CRISPLD2: variants seen among roughly 807,000 people sequenced by gnomAD.
The protein encoded by CRISPLD2 is cysteine-rich secretory protein LCCL domain-containing 2.
CRISPLD2 carries 47 observed loss-of-function variants against 71.1 expected under a neutral mutation model. The observed-to-expected ratio is 0.66, with a 90% CI of 0.52 to 0.84. The LOEUF is 0.84. CRISPLD2 is among the 40% of genes least tolerant of loss of function. The pLI is 0.00. For synonymous variants in CRISPLD2, 317 were observed against 250.1 expected (o/e 1.27, Z -2.52); for missense variants, 830 against 651.1 (o/e 1.27, Z -2.99).
chr16:84,872,987 G>T lies in CRISPLD2; in HGVS notation c.982-5G>T, dbSNP rs200084653. On this transcript the variant is annotated splice_region_variant and splice_polypyrimidine_tract_variant and intron_variant, in intron 9 of 14. Coordinates refer to ENST00000262424, the MANE Select transcript of CRISPLD2 (RefSeq NM_031476.4). ...GCCTCTGGTCTTCTCTTCCCTTCCC[G>T]CCAGTCGTCTAGCATATGCCGCGCC... 1.2e-6 allele frequency: 2 copies of T among 1,604,096 alleles called. No individual in the cohort carries two copies. The highest frequency in any genetic ancestry group is 1.8e-4 in the Middle Eastern group (1 of 5,704).
In CRISPLD2 at chr16:84,886,990, C is replaced by G. The variant is rs74031011; in HGVS notation, c.1306-2240C>G. ...AACTTCCCGCTTCCCCTCCGCCAGC[C>G]CCTGTACTTCCTGTCTCCAGGAATT... On this transcript the variant is annotated intron_variant, in intron 13 of 14. Coordinates refer to ENST00000262424, the MANE Select transcript of CRISPLD2 (RefSeq NM_031476.4). Among the ~76,000 whole-genome samples, 1,020 of 152,328 alleles carry G rather than the reference C, an allele frequency of 6.7e-3. 8 individuals carry two copies. Among genetic ancestry groups the G allele is most frequent in the African/African-American group, 0.024 (980 of 41,568 alleles).
chr16:84,880,863 C>T (rs574514676), intron 13 of CRISPLD2: 3 of 219,218 alleles, frequency 1.4e-5, no homozygotes, highest in South Asian at 1.4e-4. Context: ...CACCACCATG[C>T]CTGGCTAATT....
At chr16:84,887,118 G>A (rs2071620185) in intron 13 of CRISPLD2, among the ~76,000 whole-genome samples, 1 of 152,158 alleles carries the variant, frequency 6.6e-6, no homozygotes, top group Non-Finnish European at 1.5e-5. Flanking sequence ...GTGAACCAGT[G>A]GCTGGGACTT....
chr16:84,850,366 G>A (rs1433626288), intron 4 of CRISPLD2, among the ~76,000 whole-genome samples: 1 of 152,190 alleles, frequency 6.6e-6, no homozygotes, highest in Non-Finnish European at 1.5e-5. Context: ...TGAGATGACA[G>A]GCGTGAGCCA....
chr16:84,822,396 G>T (rs1048117018), intron 1 of CRISPLD2, among the ~76,000 whole-genome samples: 1 of 152,160 alleles, frequency 6.6e-6, no homozygotes, highest in African/African-American at 2.4e-5. Context: ...ACCCTCTGAC[G>T]TCTTTGGAGG....
At chr16:84,846,192 T>G in intron 3 of CRISPLD2, 1 of 257,724 alleles carries the variant, frequency 3.9e-6, no homozygotes, top group Admixed American at 5.3e-5. Context: ...CTTTCCTTCC[T>G]TCCTTCCTCC....
chr16:84,852,665 G>T (rs571457640), intron 5 of CRISPLD2, among the ~76,000 whole-genome samples: 43 of 151,778 alleles, frequency 2.8e-4, no homozygotes, highest in African/African-American at 8.9e-4. Context: ...GTTTGGGTGT[G>T]GGGGGGGTCA....
chr16:84,820,923 C>T (rs950353006), intron 1 of CRISPLD2, among the ~76,000 whole-genome samples: 3 of 152,152 alleles, frequency 2.0e-5, no homozygotes, highest in African/African-American at 7.2e-5. Flanking sequence ...AGGGCTAGTC[C>T]CTCATGTGCT....
At chr16:84,884,282 C>A (rs924945592) in intron 13 of CRISPLD2, among the ~76,000 whole-genome samples, 2 of 152,178 alleles carry the variant, frequency 1.3e-5, no homozygotes, top group Non-Finnish European at 2.9e-5. Flanking sequence ...AGGTGTGAGC[C>A]CCCCTGCCCC....
intron 12 of CRISPLD2, among the ~76,000 whole-genome samples, chr16:84,879,553 G>C (rs983883970): frequency 3.3e-5 from 5 of 152,046 alleles, no homozygotes; most frequent in Admixed American, 6.5e-5. Flanking sequence ...GTAGAGATGG[G>C]GTTTCACCAT....
intron 5 of CRISPLD2, among the ~76,000 whole-genome samples, chr16:84,854,472 C>G (rs1216061866): frequency 6.6e-6 from 1 of 152,098 alleles, no homozygotes; most frequent in Non-Finnish European, 1.5e-5. Flanking sequence ...TGACAGCCAG[C>G]CAGGGCAAAG....
At chr16:84,885,424 A>C (rs1448648472) in intron 13 of CRISPLD2, among the ~76,000 whole-genome samples, 2 of 152,316 alleles carry the variant, frequency 1.3e-5, no homozygotes, top group East Asian at 1.9e-4. Flanking sequence ...CAAAGGGGGA[A>C]AATGCGTCCT....
rs1917187590 is a variant in CRISPLD2 at position 84,854,726 on chromosome 16, C to T, written c.609-3C>T. The T allele has an allele frequency of 1.2e-6, 2 of 1,613,278 alleles. No homozygotes were observed. The highest frequency in any genetic ancestry group is 1.7e-6 in the Non-Finnish European group (2 of 1,179,234). ...TGACGGTTGTTTTTGGGTCTGTCCT[C>T]AGGGGGAACTGGATTGGAGAAGCCC... On this transcript the variant is annotated splice_polypyrimidine_tract_variant and splice_region_variant and intron_variant, in intron 5 of 14. Coordinates refer to ENST00000262424, the MANE Select transcript of CRISPLD2 (RefSeq NM_031476.4).
At chr16:84,822,789 C>G (rs1384665832) in intron 1 of CRISPLD2, among the ~76,000 whole-genome samples, 1 of 152,136 alleles carries the variant, frequency 6.6e-6, no homozygotes, top group Non-Finnish European at 1.5e-5. Context: ...AGGCAAGGGA[C>G]AGGTAGATCT....
chr16:84,837,167 C>T (rs904543015), intron 1 of CRISPLD2, among the ~76,000 whole-genome samples: 19 of 152,196 alleles, frequency 1.2e-4, no homozygotes, highest in African/African-American at 2.7e-4. Context: ...TGGACGCACT[C>T]GTTCAAGCCC....
At chr16:84,845,111 G>T (rs150682000) in intron 2 of CRISPLD2, among the ~76,000 whole-genome samples, 1 of 152,302 alleles carries the variant, frequency 6.6e-6, no homozygotes, top group African/African-American at 2.4e-5. Context: ...GACAGCTCAG[G>T]GTCCAAGGTC....
intron 6 of CRISPLD2, 24 bp from the exon 7 acceptor site, chr16:84,866,873 T>C: frequency 1.2e-6 from 2 of 1,602,388 alleles, no homozygotes; most frequent in Non-Finnish European, 1.7e-6. Context: ...GTGTTATTTT[T>C]TTTCCTCCCT....
intron 6 of CRISPLD2, among the ~76,000 whole-genome samples, chr16:84,866,455 C>G (rs1350234821): frequency 6.6e-6 from 1 of 152,136 alleles, no homozygotes; most frequent in Non-Finnish European, 1.5e-5. Context: ...AGGCTGGTGT[C>G]AAACTCCTGA....
intron 2 of CRISPLD2, among the ~76,000 whole-genome samples, chr16:84,844,066 C>G (rs1239568265): frequency 1.3e-5 from 2 of 152,238 alleles, no homozygotes; most frequent in African/African-American, 4.8e-5. Flanking sequence ...CTGCTTAAAG[C>G]TGGAGCATCT....
Sources: gnomAD v4.1 joint callset for allele counts (sites outside exome capture counted in the v4.1 genomes callset) on GRCh38, gnomAD v4.1.1 for gene constraint, MANE v1.5 for transcripts, NCBI Gene and HGNC (gene_info 2026-07-23, HGNC 2026-07-21) for gene names.